The following SUGP1 variants were observed in gnomAD, a reference collection of about 807,000 sequenced individuals.
SUGP1 encodes the protein SURP and G-patch domain-containing protein 1.
In SUGP1, 34 loss-of-function variants were observed where a neutral mutation model predicts 76.5. That is an observed-to-expected ratio of 0.44 (90% CI 0.34 to 0.59). The LOEUF is 0.59. Among genes scored for constraint, SUGP1 ranks in the 20% least tolerant of loss-of-function variants. The pLI is 0.01. For synonymous variants in SUGP1, 326 were observed against 326.2 expected (o/e 1.00, Z 0.01); for missense variants, 752 against 851.7 (o/e 0.88, Z 1.46).
intron 3 of SUGP1, among the ~76,000 whole-genome samples, chr19:19,306,663 A>C (rs886469550): frequency 9.2e-5 from 14 of 152,230 alleles, no homozygotes; most frequent in Non-Finnish European, 1.8e-4. Flanking sequence ...ACATGGGCAG[A>C]AGCTCCACGG....
intron 8 of SUGP1, among the ~76,000 whole-genome samples, chr19:19,293,187 GGCGTGAGTCACCGT>G (rs2061199369): frequency 6.6e-6 from 1 of 151,796 alleles, no homozygotes; most frequent in South Asian, 2.1e-4. Context: ...TGGGATTACA[GGCGTGAGTCACCGT>G]GCCTGGCCTG....
chr19:19,290,738 G>T (rs1381930220), intron 8 of SUGP1, among the ~76,000 whole-genome samples: 1 of 152,076 alleles, frequency 6.6e-6, no homozygotes, highest in African/African-American at 2.4e-5. Flanking sequence ...CTGAAAGTAG[G>T]GTTTGAAGAG....
In SUGP1 at chr19:19,280,176, C is replaced by A. The variant is rs756135509; in HGVS notation, c.1350+9G>T. 6.2e-7 allele frequency: 1 copy of A among 1,613,230 alleles called. No homozygotes were observed. Among genetic ancestry groups the A allele is most frequent in the Non-Finnish European group, 8.5e-7 (1 of 1,179,542 alleles). On this transcript the variant is annotated intron_variant, in intron 9 of 13. Coordinates refer to ENST00000247001, the MANE Select transcript of SUGP1 (RefSeq NM_172231.4). The stretch of plus-strand genomic sequence containing the variant: ...CCATGTCCCCGTCCCCTTGTCCCCG[C>A]AGTCTTACCTCCTGCTGCTCCTTCA...
At chr19:19,309,741 T>C (rs1404634560) in intron 3 of SUGP1, among the ~76,000 whole-genome samples, 1 of 152,086 alleles carries the variant, frequency 6.6e-6, no homozygotes, top group African/African-American at 2.4e-5. Context: ...AAACCCCATC[T>C]CTACTAAAAA....
In SUGP1 at chr19:19,291,806, T is replaced by C. The variant is rs1051433207; in HGVS notation, c.1243+5183A>G. Among the ~76,000 whole-genome samples the C allele has an allele frequency of 4.7e-5, 7 of 150,504 alleles. No individual in the cohort carries two copies. The South Asian group carries it at 8.4e-4, about 18-fold the overall frequency. On this transcript the variant is annotated intron_variant, in intron 8 of 13. Transcript: ENST00000247001. ...TACTCAGGAGGCTGAGGCAGAAGAA[T>C]GGCGTGAACCTGGGAGGCGGAGCTT...
chr19:19,309,147 G>A (rs1008500319), intron 3 of SUGP1, among the ~76,000 whole-genome samples: 1 of 151,962 alleles, frequency 6.6e-6, no homozygotes, highest in South Asian at 2.1e-4. Flanking sequence ...GATTACAGGC[G>A]TGAGCCACTG....
Position 19,297,080 on chromosome 19 carries a change from C to A in SUGP1, c.1152G>T (p.Lys384Asn), listed in dbSNP as rs778539130. Residue 384 changes from lysine to asparagine, a missense_variant, in exon 8 of 14, where the codon AAG (lysine) becomes AAT (asparagine). Physicochemically the swap from Lys to Asn is moderately conservative, Grantham distance 94. Around this residue, in one of 2 missense-constraint regions of SUGP1, gnomAD observed 620 missense variants for 617.3 expected, o/e 1.00. Transcript: ENST00000247001. Reference protein sequence around the residue: ...ASAATVKRKRKSRWGPEEDKV... With the variant: ...ASAATVKRKRNSRWGPEEDKV... Reference sequence around the variant, plus strand: ...TATCCTCTTCAGGCCCCCACCGGCTCTTCCGCTTCCTCTTCACGGTGGCTG... The same window carrying A: ...TATCCTCTTCAGGCCCCCACCGGCTATTCCGCTTCCTCTTCACGGTGGCTG... 2.5e-6 allele frequency: 4 copies of A among 1,613,722 alleles called. No homozygotes were observed. In the African/African-American group the frequency reaches 5.3e-5, roughly 22 times the overall value.
At chr19:19,276,838 C>A in intron 13 of SUGP1, 109 bp downstream of exon 13, 3 of 1,554,330 alleles carry the variant, frequency 1.9e-6, no homozygotes, top group South Asian at 2.4e-5. Context: ...GTAGGGGGCT[C>A]GCTGGTGAGA....
intron 7 of SUGP1, among the ~76,000 whole-genome samples, chr19:19,298,268 C>T (rs752325918): frequency 2.6e-5 from 4 of 152,156 alleles, no homozygotes; most frequent in East Asian, 1.9e-4. Context: ...GAGGCCGAGG[C>T]GGGCAGATCA....
intron 3 of SUGP1, among the ~76,000 whole-genome samples, chr19:19,309,552 G>A (rs1335197679): frequency 6.6e-6 from 1 of 152,080 alleles, no homozygotes; most frequent in African/African-American, 2.4e-5. Context: ...GGCCAAGGCG[G>A]GCAGATCACG....
At chr19:19,310,054 G>T (rs1192451870) in intron 3 of SUGP1, 43 bp downstream of exon 3, 2 of 1,513,948 alleles carry the variant, frequency 1.3e-6, no homozygotes. Flanking sequence ...ACCCCAGGGG[G>T]AGATGCAAGG....
At chr19:19,283,352 C>T (rs899902368) in intron 8 of SUGP1, among the ~76,000 whole-genome samples, 2 of 152,024 alleles carry the variant, frequency 1.3e-5, no homozygotes, top group Non-Finnish European at 1.5e-5. Flanking sequence ...CTGCAACCTC[C>T]GCCTCCACCT....
rs758942961 is a variant in SUGP1, at chr19:19,297,085, G to A, written c.1147C>T (p.Arg383Trp). 44 of 1,613,680 alleles carry A rather than the reference G, an allele frequency of 2.7e-5. No homozygotes were observed. Among genetic ancestry groups the A allele is most frequent in the Non-Finnish European group, 3.3e-5 (39 of 1,179,978 alleles). ...TCTTCAGGCCCCCACCGGCTCTTCC[G>A]CTTCCTCTTCACGGTGGCTGCGGAG... ...PASAATVKRK[R>W]KSRWGPEEDK... Residue 383 changes from arginine to tryptophan, a missense_variant, in exon 8 of 14, where the codon CGG (arginine) becomes TGG (tryptophan). Around this residue, in one of 2 missense-constraint regions of SUGP1, gnomAD observed 620 missense variants for 617.3 expected, o/e 1.00. Coordinates refer to ENST00000247001, the MANE Select transcript of SUGP1 (RefSeq NM_172231.4).
intron 8 of SUGP1, among the ~76,000 whole-genome samples, chr19:19,292,045 G>C (rs968802328): frequency 2.0e-5 from 3 of 151,952 alleles, no homozygotes; most frequent in Non-Finnish European, 4.4e-5. Context: ...GGCTGAGGTG[G>C]GCAGATCACT....
At chr19:19,312,525 C>A (rs185085937) in intron 2 of SUGP1, among the ~76,000 whole-genome samples, 101 of 152,204 alleles carry the variant, frequency 6.6e-4, no homozygotes, top group African/African-American at 2.1e-3. Flanking sequence ...ACAGGGCTAG[C>A]CTTTTTCCTT....
chr19:19,276,926 A>T, intron 13 of SUGP1, 21 bp downstream of exon 13: 1 of 1,612,310 alleles, frequency 6.2e-7, no homozygotes. Flanking sequence ...GAGCAAAGGC[A>T]GCCCAGGAGG....
Position 19,278,681 on chromosome 19 carries a change from C to A in SUGP1, c.1635+9G>T. On this transcript the variant is annotated intron_variant, in intron 11 of 13. Transcript: ENST00000247001. ...GCAGAGGCTGGAGCTAGGGCCCCTCCTGGCTCACCTTCAGGGCCTTGAAGG... is the reference window on the plus strand; with the variant it reads ...GCAGAGGCTGGAGCTAGGGCCCCTCATGGCTCACCTTCAGGGCCTTGAAGG... The A allele has an allele frequency of 6.2e-7, 1 of 1,607,260 alleles. No homozygotes were observed.
At chr19:19,277,227 A>G (rs2146587015) in intron 12 of SUGP1, 151 bp from the exon 13 acceptor site, 1 of 192,548 alleles carries the variant, frequency 5.2e-6, no homozygotes, top group Middle Eastern at 2.4e-3. Context: ...TGAATGGTCA[A>G]GGAGGGGAGA....
Position 19,305,970 on chromosome 19 carries a change from C to A in SUGP1, c.417G>T (p.Leu139=). Residue 139 remains leucine (L), a synonymous_variant, in exon 4 of 14, where the codon CTG becomes CTT. Transcript: ENST00000247001. ...SRRTGLGLAS[L]PGPVKSYSHA... is the part of the protein sequence containing the mutation. ...GGGAGTAGCTCTTCACAGGGCCCGG[C>A]AGGCTGGCCAGCCCCAGGCCTGTCC... 2 of 1,612,104 alleles carry A rather than the reference C, an allele frequency of 1.2e-6. No individual in the cohort carries two copies. Among genetic ancestry groups the A allele is most frequent in the South Asian group, 1.1e-5 (1 of 91,050 alleles).
Sources: allele counts gnomAD v4.1 joint callset (sites outside exome capture counted in the v4.1 genomes callset), GRCh38; gene constraint gnomAD v4.1.1; regional missense constraint gnomAD v4.1.1; transcripts MANE v1.5; gene names NCBI Gene and HGNC (gene_info 2026-07-23, HGNC 2026-07-21).